Variants in TOX observed in about 807,000 individuals in gnomAD.
TOX encodes thymocyte selection-associated high mobility group box protein TOX.
A neutral mutation model predicts 53.7 loss-of-function variants in TOX; 11 were observed. The observed-to-expected ratio is 0.20, with a 90% CI of 0.13 to 0.34. TOX has a LOEUF of 0.34. TOX is among the 10% of genes least tolerant of loss of function. TOX has a pLI of 1.00. For missense variants in TOX, 570 were observed against 664.6 expected, an observed-to-expected ratio of 0.86 and a Z score of 1.56; for synonymous variants, 225 against 245.3, an observed-to-expected ratio of 0.92 and a Z score of 0.77.
At chr8:58,840,163 A>C (rs1356039697) in intron 4 of TOX, among the ~76,000 whole-genome samples, 1 of 152,258 alleles carries the variant, frequency 6.6e-6, no homozygotes, top group Non-Finnish European at 1.5e-5. Flanking sequence ...CACCGAAAAG[A>C]GATAAGCAAA....
At chr8:59,051,571 C>T (rs182001445) in intron 1 of TOX, among the ~76,000 whole-genome samples, 1 of 152,134 alleles carries the variant, frequency 6.6e-6, no homozygotes, top group Non-Finnish European at 1.5e-5. Context: ...TGAAAGACAC[C>T]ACACTAGAAA....
intron 6 of TOX, among the ~76,000 whole-genome samples, chr8:58,826,227 C>T (rs1810364385): frequency 6.6e-6 from 1 of 152,192 alleles, no homozygotes; most frequent in East Asian, 1.9e-4. Context: ...CTTATAGACT[C>T]AGTCCATTTC....
intron 1 of TOX, among the ~76,000 whole-genome samples, chr8:59,048,594 T>C (rs1803730839): frequency 6.6e-6 from 1 of 152,210 alleles, no homozygotes; most frequent in African/African-American, 2.4e-5. Context: ...TCTCATTTTT[T>C]ATATTATCGG....
rs1158482400 is a variant in TOX, at chr8:58,851,482, A to T, written c.693+42T>A. ...CCAGCACAGGTCAAAGAAGGTGCCT[A>T]AGAATAGTCTCCCATAGGTCCTAAA... On this transcript the variant is annotated intron_variant, in intron 4 of 8. Transcript: ENST00000361421. This position sits in a 1 kb window ranked among gnomAD's most constrained non-coding sequence, Gnocchi z 4.4. 1 of 1,603,018 alleles carries T rather than the reference A, an allele frequency of 6.2e-7. No homozygotes were observed. The highest frequency in any genetic ancestry group is 8.5e-7 in the Non-Finnish European group (1 of 1,173,968).
intron 1 of TOX, among the ~76,000 whole-genome samples, chr8:59,004,286 T>C (rs1813747238): frequency 6.6e-6 from 1 of 152,234 alleles, no homozygotes; most frequent in Non-Finnish European, 1.5e-5. Flanking sequence ...AATTTATCTT[T>C]GTGGTTGAAC....
chr8:59,098,783 C>A (rs1241320274), intron 1 of TOX, among the ~76,000 whole-genome samples: 1 of 152,214 alleles, frequency 6.6e-6, no homozygotes, highest in Non-Finnish European at 1.5e-5. Context: ...TCCTCCTTGA[C>A]TTCTGATTCC....
At chr8:59,063,584 G>A (rs1213964293) in intron 1 of TOX, among the ~76,000 whole-genome samples, 5 of 151,538 alleles carry the variant, frequency 3.3e-5, no homozygotes, top group Admixed American at 6.6e-5. Context: ...CCACCACGCC[G>A]GGCTAATTTT....
chr8:58,823,159 C>T lies in TOX; in HGVS notation c.1005+3663G>A, dbSNP rs190585070. Among the ~76,000 whole-genome samples, 460 of 152,262 alleles carry T rather than the reference C, an allele frequency of 3.0e-3. 1 individual carries two copies. Among genetic ancestry groups the T allele is most frequent in the African/African-American group, 9.9e-3 (411 of 41,544 alleles). ...GCGTTTTATTTTTGGCAGAGTTCAA[C>T]GTTATTCTAGCTTGGAGTCATGTTA... is the stretch of plus-strand genomic sequence containing the variant. On this transcript the variant is annotated intron_variant, in intron 6 of 8. Coordinates refer to ENST00000361421, the MANE Select transcript of TOX (RefSeq NM_014729.3).
intron 3 of TOX, among the ~76,000 whole-genome samples, chr8:58,856,914 G>A (rs1810927439): frequency 6.6e-6 from 1 of 152,154 alleles, no homozygotes; most frequent in Non-Finnish European, 1.5e-5. Flanking sequence ...TACAGTGGGA[G>A]TGAAAGGGAA....
At chr8:58,948,460 T>C (rs531542850) in intron 2 of TOX, among the ~76,000 whole-genome samples, 11 of 152,076 alleles carry the variant, frequency 7.2e-5, no homozygotes, top group African/African-American at 2.7e-4. Flanking sequence ...TTGTACGTAA[T>C]TGTCATAAAT....
At chr8:59,028,998 G>T (rs1254086970) in intron 1 of TOX, among the ~76,000 whole-genome samples, 2 of 152,098 alleles carry the variant, frequency 1.3e-5, no homozygotes, top group Admixed American at 6.5e-5. Flanking sequence ...AATTTATTTG[G>T]TTTTCATCAG....
intron 6 of TOX, among the ~76,000 whole-genome samples, chr8:58,818,823 C>T (rs1350754881): frequency 1.3e-5 from 2 of 152,126 alleles, no homozygotes; most frequent in South Asian, 2.1e-4. Context: ...TACAGCTTTC[C>T]GCTCTGTCCT....
At chr8:59,086,885 A>C (rs192441223) in intron 1 of TOX, among the ~76,000 whole-genome samples, 269 of 152,324 alleles carry the variant, frequency 1.8e-3, no homozygotes, top group African/African-American at 6.3e-3. Context: ...ACCATTGAAA[A>C]TATTAATATG....
At chr8:58,972,552 T>C (rs1005651683) in intron 1 of TOX, among the ~76,000 whole-genome samples, 2 of 152,210 alleles carry the variant, frequency 1.3e-5, no homozygotes, top group Admixed American at 6.5e-5. Flanking sequence ...TTAGTATCCA[T>C]AGCTTATTAG....
chr8:58,936,924 G>T (rs1327339568), intron 3 of TOX, among the ~76,000 whole-genome samples: 1 of 152,166 alleles, frequency 6.6e-6, no homozygotes, highest in Non-Finnish European at 1.5e-5. Flanking sequence ...TGAAAAATTG[G>T]TCCCTCAGTC....
In TOX at chr8:58,815,275, C is replaced by G. The variant is rs1011175241; in HGVS notation, c.1392+63G>C. 9.2e-6 allele frequency: 14 copies of G among 1,514,834 alleles called. No homozygotes were observed. In the African/African-American group the frequency reaches 9.7e-5, roughly 11 times the overall value. The allele number at this position is 1,514,834 out of a possible 1,614,324, so 93.8% of individuals were successfully genotyped here. ...CCTGTCCTGGATAAACAGCTCCCCCCACCTCCACCACCACACTTCAGAATA... is the reference window on the plus strand; with the variant it reads ...CCTGTCCTGGATAAACAGCTCCCCCGACCTCCACCACCACACTTCAGAATA... On this transcript the variant is annotated intron_variant, in intron 7 of 8. Transcript: ENST00000361421.
chr8:59,080,588 G>A (rs1036553398), intron 1 of TOX, among the ~76,000 whole-genome samples: 45 of 152,330 alleles, frequency 3.0e-4, no homozygotes, highest in African/African-American at 8.7e-4. Flanking sequence ...CAAATCTTAT[G>A]TTGAATTGTA....
At position 59,072,888 on chromosome 8, in the gene TOX, G is replaced by C. The variant is rs189541383; in HGVS notation, c.102+45998C>G. On this transcript the variant is annotated intron_variant, in intron 1 of 8. Transcript: ENST00000361421. ...AAATTTCCAGAATGTCTTATACTTT[G>C]CTTGGTATTATTTAAAATTGTTCTT... Among the ~76,000 whole-genome samples, 287 of 151,946 alleles carry C rather than the reference G, an allele frequency of 1.9e-3. 1 individual carries two copies. Among genetic ancestry groups the C allele is most frequent in the African/African-American group, 6.5e-3 (268 of 41,448 alleles).
chr8:58,959,424 A>G (rs1333762739), intron 2 of TOX, among the ~76,000 whole-genome samples: 1 of 152,128 alleles, frequency 6.6e-6, no homozygotes, highest in Non-Finnish European at 1.5e-5. Flanking sequence ...AAAGGTTTCA[A>G]TCATATCATG....
Sources: gnomAD v4.1 joint callset for allele counts (sites outside exome capture counted in the v4.1 genomes callset) on GRCh38, gnomAD v4.1.1 for gene constraint, Gnocchi (gnomAD v3.1) non-coding constraint, MANE v1.5 for transcripts, NCBI Gene and HGNC (gene_info 2026-07-23, HGNC 2026-07-21) for gene names.